BCHE: variants seen among roughly 807,000 people sequenced by gnomAD.
The protein encoded by BCHE is cholinesterase.
In BCHE, 48 loss-of-function variants were observed where a neutral mutation model predicts 51.3. That is an observed-to-expected ratio of 0.94 (90% CI 0.74 to 1.19). The LOEUF is 1.19. BCHE is among the 50% of genes most tolerant of loss of function. The pLI, the probability that BCHE is intolerant of heterozygous loss-of-function variation, is 0.00. For missense variants in BCHE, 847 were observed against 708.2 expected (o/e 1.20, Z -2.23); for synonymous variants, 251 against 238.0 (o/e 1.05, Z -0.50).
intron 3 of BCHE, among the ~76,000 whole-genome samples, chr3:165,776,989 G>A (rs2668211): frequency 0.91 from 137,773 of 151,680 alleles, 63,170 homozygotes; most frequent in Non-Finnish European, 0.97. Flanking sequence ...AAGATAAAAG[G>A]ACAAGGGCAA....
chr3:165,830,127 T>C lies in BCHE; in HGVS notation c.907A>G (p.Asn303Asp). The C allele has an allele frequency of 6.2e-7, 1 of 1,613,890 alleles. No homozygotes were observed. The highest frequency in any genetic ancestry group is 8.5e-7 in the Non-Finnish European group (1 of 1,179,876). Residue 303 changes from asparagine to aspartate, a missense_variant, in exon 2 of 4, where the codon AAT (asparagine) becomes GAT (aspartate). Asn to Asp is a conservative substitution (Grantham distance 23, BLOSUM62 1). Transcript: ENST00000264381. ...RNKDPQEILL[N>D]EAFVVPYGTP... ...CCATAGGGGACAACAAATGCTTCATTCAGAAGAATTTCTTGGGGATCTTTA... is the reference window on the plus strand; with the variant it reads ...CCATAGGGGACAACAAATGCTTCATCCAGAAGAATTTCTTGGGGATCTTTA...
At chr3:165,803,604 T>C (rs1713751350) in intron 2 of BCHE, among the ~76,000 whole-genome samples, 1 of 152,160 alleles carries the variant, frequency 6.6e-6, no homozygotes, top group Non-Finnish European at 1.5e-5. Flanking sequence ...ATGTACACTC[T>C]TAAAGAGAAT....
At chr3:165,796,761 G>A (rs535342094) in intron 2 of BCHE, among the ~76,000 whole-genome samples, 1 of 152,180 alleles carries the variant, frequency 6.6e-6, no homozygotes, top group South Asian at 2.1e-4. Flanking sequence ...AAAGTCGTTG[G>A]ATAGAGTCAT....
intron 3 of BCHE, among the ~76,000 whole-genome samples, chr3:165,781,826 G>A (rs1712717189): frequency 1.3e-5 from 2 of 152,038 alleles, no homozygotes; most frequent in Admixed American, 1.3e-4. Context: ...AAATCTGGCA[G>A]ATTATAAATT....
At chr3:165,789,204 T>C (rs1713076906) in intron 2 of BCHE, among the ~76,000 whole-genome samples, 1 of 152,148 alleles carries the variant, frequency 6.6e-6, no homozygotes, top group Non-Finnish European at 1.5e-5. Context: ...TTTTCTACTT[T>C]GTGGTATACC....
intron 3 of BCHE, among the ~76,000 whole-genome samples, chr3:165,774,479 G>A (rs541055599): frequency 1.4e-4 from 21 of 151,928 alleles, no homozygotes; most frequent in African/African-American, 4.1e-4. Flanking sequence ...GATTACAGGC[G>A]CGTGCACCAC....
chr3:165,805,744 T>C (rs896234587), intron 2 of BCHE, among the ~76,000 whole-genome samples: 3 of 152,192 alleles, frequency 2.0e-5, no homozygotes, highest in Admixed American at 6.5e-5. Flanking sequence ...AAATGACACA[T>C]TTCTTTTTCT....
rs780411054 is a variant in BCHE at position 165,830,826 on chromosome 3, G to T, written c.208C>A (p.Arg70=). ...PYAQPPLGRL[R]FKKPQSLTKW... is the part of the protein sequence containing the mutation. ...GTCAGAGACTGTGGCTTTTTGAATC[G>T]AAGTCTACCAAGAGGTGGCTGTGCA... is the stretch of plus-strand genomic sequence containing the variant. The change falls in exon 2 of 4, where the codon CGA becomes AGA. Residue 70 remains arginine (R), a synonymous_variant. Transcript: ENST00000264381. The T allele has an allele frequency of 8.7e-6, 14 of 1,613,606 alleles. No individual in the cohort carries two copies. The South Asian group carries it at 1.1e-4, about 13-fold the overall frequency.
intron 1 of BCHE, among the ~76,000 whole-genome samples, chr3:165,835,773 G>A (rs1715167005): frequency 6.6e-6 from 1 of 151,838 alleles, no homozygotes; most frequent in Non-Finnish European, 1.5e-5. Flanking sequence ...TCCTCAATTA[G>A]GAAGAACATT....
chr3:165,823,664 A>G (rs933616575), intron 2 of BCHE, among the ~76,000 whole-genome samples: 1 of 152,168 alleles, frequency 6.6e-6, no homozygotes, highest in East Asian at 1.9e-4. Flanking sequence ...TCCAGATCTA[A>G]GTGGTTTCAT....
intron 2 of BCHE, among the ~76,000 whole-genome samples, chr3:165,807,360 C>T (rs1177459331): frequency 6.6e-6 from 1 of 151,880 alleles, no homozygotes; most frequent in African/African-American, 2.4e-5. Context: ...AATAAATTTC[C>T]TTAGGAAATA....
chr3:165,824,217 C>A (rs1714638229), intron 2 of BCHE, among the ~76,000 whole-genome samples: 1 of 151,446 alleles, frequency 6.6e-6, no homozygotes, highest in South Asian at 2.1e-4. Flanking sequence ...TAAAATGACA[C>A]TATATTATGA....
chr3:165,815,976 C>T (rs949681775), intron 2 of BCHE, among the ~76,000 whole-genome samples: 2 of 151,768 alleles, frequency 1.3e-5, no homozygotes, highest in Non-Finnish European at 2.9e-5. Flanking sequence ...TGCCTTCTGC[C>T]TATGCCTTCT....
At chr3:165,787,758 T>C (rs751697375) in intron 2 of BCHE, among the ~76,000 whole-genome samples, 5 of 151,974 alleles carry the variant, frequency 3.3e-5, no homozygotes, top group Non-Finnish European at 7.4e-5. Context: ...CATTAAGGTC[T>C]AACAGCCCTG....
chr3:165,831,512 T>G (rs919115295), intron 1 of BCHE, among the ~76,000 whole-genome samples: 2 of 152,192 alleles, frequency 1.3e-5, no homozygotes, highest in Non-Finnish European at 2.9e-5. Context: ...GGTTAAGAAC[T>G]TTTAAGGATC....
intron 2 of BCHE, among the ~76,000 whole-genome samples, chr3:165,798,274 T>A (rs1266239271): frequency 6.6e-6 from 1 of 150,408 alleles, no homozygotes; most frequent in African/African-American, 2.5e-5. Context: ...TGTGTGTCTG[T>A]GTGTGTGTGT....
intron 2 of BCHE, among the ~76,000 whole-genome samples, chr3:165,789,533 TTATC>T (rs1293553186): frequency 1.3e-5 from 2 of 152,134 alleles, no homozygotes; most frequent in Non-Finnish European, 2.9e-5. Flanking sequence ...AGAATTAAAA[TTATC>T]CTTAGGAATT....
In BCHE at chr3:165,801,554, A is replaced by G. The variant is rs892289308; in HGVS notation, c.1518-15243T>C. ...AAAGCATATAATATACATTATAAAG[A>G]TAAATAAATAGAAAGATTTTGAAAT... On this transcript the variant is annotated intron_variant, in intron 2 of 3. Coordinates refer to ENST00000264381, the MANE Select transcript of BCHE (RefSeq NM_000055.4). Among the ~76,000 whole-genome samples, 34 of 152,318 alleles carry G rather than the reference A, an allele frequency of 2.2e-4. 1 individual carries two copies. The highest frequency in any genetic ancestry group is 6.0e-4 in the African/African-American group (25 of 41,568).
chr3:165,796,532 C>G (rs1713383966), intron 2 of BCHE, among the ~76,000 whole-genome samples: 1 of 152,046 alleles, frequency 6.6e-6, no homozygotes, highest in South Asian at 2.1e-4. Flanking sequence ...TATAAAATGC[C>G]TTAAGCACAA....
Sources: allele counts gnomAD v4.1 joint callset (sites outside exome capture counted in the v4.1 genomes callset), GRCh38; gene constraint gnomAD v4.1.1; transcripts MANE v1.5; gene names NCBI Gene and HGNC (gene_info 2026-07-23, HGNC 2026-07-21).